The following LINGO2 variants were observed in gnomAD, a reference collection of about 807,000 sequenced individuals.
LINGO2 encodes leucine-rich repeat and immunoglobulin-like domain-containing nogo receptor-interacting protein 2.
In LINGO2, 14 loss-of-function variants were observed where a neutral mutation model predicts 30.6. The ratio of observed to expected loss-of-function variants is 0.46; its 90% CI spans 0.30 to 0.72. The LOEUF (loss-of-function observed/expected upper bound fraction) is 0.72, where lower values mean the gene tolerates loss of function less well. Ranked by LOEUF, LINGO2 falls within the 30% of genes least tolerant of loss-of-function variation. The pLI is 0.07. For missense variants in LINGO2, 729 were observed against 751.7 expected (o/e 0.97, Z 0.35); for synonymous variants, 317 against 288.5 (o/e 1.10, Z -1.00).
intron 5 of LINGO2, among the ~76,000 whole-genome samples, chr9:27,959,255 T>C (rs1415895557): frequency 2.0e-5 from 3 of 152,152 alleles, no homozygotes; most frequent in African/African-American, 7.2e-5. Context: ...TTGTGTCTTT[T>C]TATTTCATTA....
the LINGO2 span, among the ~76,000 whole-genome samples, chr9:28,879,577 C>T: frequency 1.7e-4 from 26 of 152,170 alleles, no homozygotes; most frequent in Non-Finnish European, 3.1e-4. Flanking sequence ...CTCACATCAT[C>T]TATGGGTTCC....
At chr9:28,086,173 T>A (rs1435791788) in intron 4 of LINGO2, among the ~76,000 whole-genome samples, 1 of 152,094 alleles carries the variant, frequency 6.6e-6, no homozygotes, top group African/African-American at 2.4e-5. Flanking sequence ...AAGCATATAT[T>A]GTCTCTTGCC....
chr9:28,619,491 A>T (rs1329331144), intron 1 of LINGO2, among the ~76,000 whole-genome samples: 1 of 152,158 alleles, frequency 6.6e-6, no homozygotes, highest in Non-Finnish European at 1.5e-5. Flanking sequence ...GATGAATAAG[A>T]TACTGAATGT....
At chr9:28,111,502 T>C (rs1377514111) in intron 4 of LINGO2, among the ~76,000 whole-genome samples, 1 of 152,084 alleles carries the variant, frequency 6.6e-6, no homozygotes, top group African/African-American at 2.4e-5. Context: ...CTAGGAAACT[T>C]TTAACTCGGG....
chr9:28,614,659 A>C (rs1470760446), intron 1 of LINGO2, among the ~76,000 whole-genome samples: 1 of 152,132 alleles, frequency 6.6e-6, no homozygotes, highest in African/African-American at 2.4e-5. Flanking sequence ...AATTTAGGTC[A>C]TAACTTCCAA....
chr9:28,126,592 G>A (rs1300977088), intron 4 of LINGO2, among the ~76,000 whole-genome samples: 1 of 152,214 alleles, frequency 6.6e-6, no homozygotes, highest in Non-Finnish European at 1.5e-5. Context: ...TTAGGCAAAG[G>A]TGAAGTTCAC....
At chr9:28,883,525 A>G in the LINGO2 span, among the ~76,000 whole-genome samples, 2 of 150,710 alleles carry the variant, frequency 1.3e-5, no homozygotes, top group African/African-American at 4.9e-5. Flanking sequence ...AAACCATAAT[A>G]AGGCAGGTAT....
intron 2 of LINGO2, among the ~76,000 whole-genome samples, chr9:28,430,366 T>G (rs2134944033): frequency 6.6e-6 from 1 of 152,252 alleles, no homozygotes; most frequent in South Asian, 2.1e-4. Context: ...GCATATAAGA[T>G]TTGTATAGCA....
At chr9:29,143,379 G>C in the LINGO2 span, among the ~76,000 whole-genome samples, 1 of 152,088 alleles carries the variant, frequency 6.6e-6, no homozygotes, top group Non-Finnish European at 1.5e-5. Flanking sequence ...GAAGAACAAA[G>C]CTGGAGGCCT....
chr9:28,988,296 C>T, the LINGO2 span, among the ~76,000 whole-genome samples: 1 of 152,044 alleles, frequency 6.6e-6, no homozygotes, highest in East Asian at 1.9e-4. Context: ...TTCTTGGTCT[C>T]ATTTTACAGT....
chr9:28,354,615 C>T (rs1234054954), intron 3 of LINGO2, among the ~76,000 whole-genome samples: 2 of 152,148 alleles, frequency 1.3e-5, no homozygotes, highest in East Asian at 1.9e-4. Context: ...ATTGTCAAAG[C>T]TATTTTTGTT....
chr9:29,054,763 G>T, the LINGO2 span, among the ~76,000 whole-genome samples: 1 of 152,182 alleles, frequency 6.6e-6, no homozygotes, highest in Non-Finnish European at 1.5e-5. Flanking sequence ...AAGCAAGCAT[G>T]TAATACAAAC....
rs893970547 is a variant in LINGO2, at chr9:28,529,243, A to C, written c.-364-53218T>G. ...GAATGCAAGCCCATTTTGATTGTGT[A>C]TTAACATTTATTTATCTGAAATGGA... On this transcript the variant is annotated intron_variant, in intron 1 of 5. Coordinates refer to ENST00000379992, the Ensembl canonical transcript of LINGO2. Among the ~76,000 whole-genome samples, 4 of 152,150 alleles carry C rather than the reference A, an allele frequency of 2.6e-5. No individual in the cohort carries two copies. The South Asian group carries it at 8.3e-4, about 31-fold the overall frequency.
At chr9:28,401,716 C>G (rs1187937320) in intron 2 of LINGO2, among the ~76,000 whole-genome samples, 1 of 152,150 alleles carries the variant, frequency 6.6e-6, no homozygotes, top group Non-Finnish European at 1.5e-5. Context: ...GCCATACTGT[C>G]TTCCACAATG....
intron 1 of LINGO2, among the ~76,000 whole-genome samples, chr9:28,571,599 G>T (rs1823697035): frequency 6.6e-6 from 1 of 152,044 alleles, no homozygotes; most frequent in South Asian, 2.1e-4. Context: ...ATATGATTAT[G>T]CAGTTAAGTG....
At chr9:27,965,851 C>A (rs1820075528) in intron 5 of LINGO2, among the ~76,000 whole-genome samples, 1 of 152,058 alleles carries the variant, frequency 6.6e-6, no homozygotes, top group Admixed American at 6.6e-5. Context: ...AAGATGCCTG[C>A]TGGCCTCACA....
At chr9:28,668,210 T>G (rs1413660081) in intron 1 of LINGO2, among the ~76,000 whole-genome samples, 1 of 151,168 alleles carries the variant, frequency 6.6e-6, no homozygotes, top group African/African-American at 2.4e-5. Context: ...CGAGGTGGAG[T>G]GGTAGTAGGG....
At chr9:28,278,506 T>G (rs2134117565) in intron 4 of LINGO2, among the ~76,000 whole-genome samples, 1 of 152,250 alleles carries the variant, frequency 6.6e-6, no homozygotes, top group African/African-American at 2.4e-5. Flanking sequence ...CTTTACCATT[T>G]CAAAAATCCT....
intron 4 of LINGO2, among the ~76,000 whole-genome samples, chr9:28,094,962 C>T (rs545142187): frequency 1.3e-5 from 2 of 152,224 alleles, no homozygotes; most frequent in South Asian, 4.1e-4. Flanking sequence ...ATAAAATCCA[C>T]TTCAGAAGTA....
Sources: allele counts gnomAD v4.1 joint callset (sites outside exome capture counted in the v4.1 genomes callset), GRCh38; gene constraint gnomAD v4.1.1; transcripts MANE v1.5; gene names NCBI Gene and HGNC (gene_info 2026-07-23, HGNC 2026-07-21).